The following ANKRD35 variants were observed in gnomAD, a reference collection of about 807,000 sequenced individuals.
ANKRD35 encodes the protein ankyrin repeat domain 35, also known as ankyrin repeat domain-containing protein 35.
In ANKRD35, 102 loss-of-function variants were observed where a neutral mutation model predicts 109.9. The ratio of observed to expected loss-of-function variants is 0.93; its 90% CI spans 0.79 to 1.09. The LOEUF (loss-of-function observed/expected upper bound fraction) is 1.09. Among genes scored for constraint, ANKRD35 ranks in the 50% least tolerant of loss-of-function variants. ANKRD35 has a pLI of 0.00. For missense variants in ANKRD35, 1,240 were observed against 1,230.1 expected (o/e 1.01, Z -0.12); for synonymous variants, 515 against 512.4 (o/e 1.01, Z -0.07).
chr1:145,882,790 G>A (rs1252332189), intron 1 of ANKRD35, among the ~76,000 whole-genome samples: 2 of 152,140 alleles, frequency 1.3e-5, no homozygotes, highest in African/African-American at 2.4e-5. Flanking sequence ...TGGAAAGGAG[G>A]CACTAGATTA....
chr1:145,874,232 G>C (rs201416442), intron 8 of ANKRD35, 40 bp from the exon 9 acceptor site: 2 of 1,604,246 alleles, frequency 1.2e-6, no homozygotes, highest in Non-Finnish European at 1.7e-6. Flanking sequence ...GAGAAGACAG[G>C]TTCCATGTAC....
intron 12 of ANKRD35, among the ~76,000 whole-genome samples, chr1:145,867,745 G>T (rs187639730): frequency 1.2e-4 from 18 of 152,218 alleles, no homozygotes; most frequent in African/African-American, 3.9e-4. Flanking sequence ...AAAGGGTATT[G>T]GGGACAGGAA....
At position 145,873,235 on chromosome 1, in the gene ANKRD35, C is replaced by T. The variant is rs782256619; in HGVS notation, c.1534G>A (p.Ala512Thr). 4 of 1,613,996 alleles carry T rather than the reference C, an allele frequency of 2.5e-6. No individual in the cohort carries two copies. Among genetic ancestry groups the T allele is most frequent in the South Asian group, 1.1e-5 (1 of 91,090 alleles). The change falls in exon 10 of 14, where the codon GCT (alanine) becomes ACT (threonine). Residue 512 changes from alanine to threonine, a missense_variant. Coordinates refer to ENST00000355594, the MANE Select transcript of ANKRD35 (RefSeq NM_144698.5). ...CCCTCCATGACCGGTCTTGACAAAGCCCCCCGGGCAGCATCCTTTTCTCGC... is the reference window on the plus strand; with the variant it reads ...CCCTCCATGACCGGTCTTGACAAAGTCCCCCGGGCAGCATCCTTTTCTCGC... Reference protein sequence around the residue: ...VWREKDAARGALSRPVMEGAL... With the variant: ...VWREKDAARGTLSRPVMEGAL...
rs1427723170 is a variant in ANKRD35, at chr1:145,872,638, C to G, written c.2131G>C (p.Asp711His). 4 of 1,613,942 alleles carry G rather than the reference C, an allele frequency of 2.5e-6. No homozygotes were observed. Among genetic ancestry groups the G allele is most frequent in the Non-Finnish European group, 3.4e-6 (4 of 1,179,982 alleles). ...LRGLWDCLPA[D>H]LVGERSAQSK... ...TGTGCACTCCTCTCGCCCACTAGGT[C>G]TGCGGGCAGGCAGTCCCACAGCCCT... is the stretch of plus-strand genomic sequence containing the variant. The change falls in exon 10 of 14, where the codon GAC becomes CAC. Residue 711 changes from aspartate (D) to histidine (H), a missense_variant. Physicochemically the swap from Asp to His is moderately conservative, Grantham distance 81. Coordinates refer to ENST00000355594, the MANE Select transcript of ANKRD35 (RefSeq NM_144698.5).
chr1:145,872,437 G>T lies in ANKRD35; in HGVS notation c.2332C>A (p.Gln778Lys). 1 of 1,611,166 alleles carries T rather than the reference G, an allele frequency of 6.2e-7. No homozygotes were observed. Among genetic ancestry groups the T allele is most frequent in the African/African-American group, 1.3e-5 (1 of 74,972 alleles). ...AGGTCTTGCTCCAGAGCGGCCACTT[G>T]GGGGGATGCTGGGGCCTTTAAGGAG... ...GTSLKAPASP[Q>K]VAALEQDLGK... The change falls in exon 10 of 14, where the codon CAA (glutamine) becomes AAA (lysine). Residue 778 changes from glutamine (Q) to lysine (K), a missense_variant. Coordinates refer to ENST00000355594, the MANE Select transcript of ANKRD35 (RefSeq NM_144698.5).
intron 6 of ANKRD35, 52 bp downstream of exon 6, chr1:145,876,517 A>G: frequency 6.2e-7 from 1 of 1,608,678 alleles, no homozygotes; most frequent in African/African-American, 1.3e-5. Context: ...GCTGAGAGAC[A>G]GCAGCAGCCC....
At position 145,872,226 on chromosome 1, in the gene ANKRD35, G is replaced by T; in HGVS notation, c.2543C>A (p.Ala848Asp). 6.2e-7 allele frequency: 1 copy of T among 1,610,540 alleles called. No individual in the cohort carries two copies. Among genetic ancestry groups the T allele is most frequent in the Non-Finnish European group, 8.5e-7 (1 of 1,178,506 alleles). ...TRGSLVAQAQ[A>D]WGQELKALLE... Reference sequence around the variant, plus strand: ...CAGAGCCTTTAGCTCCTGGCCCCAAGCCTGAGCCTGGGCCACCAGCGAACC... The same window carrying T: ...CAGAGCCTTTAGCTCCTGGCCCCAATCCTGAGCCTGGGCCACCAGCGAACC... The change falls in exon 10 of 14, where the codon GCT (alanine) becomes GAT (aspartate). Residue 848 changes from alanine (A) to aspartate (D), a missense_variant. Ala to Asp is a moderately radical substitution (Grantham distance 126, BLOSUM62 -2). Coordinates refer to ENST00000355594, the MANE Select transcript of ANKRD35 (RefSeq NM_144698.5).
At chr1:145,877,857 G>T in intron 4 of ANKRD35, 111 bp downstream of exon 4, 1 of 1,009,736 alleles carries the variant, frequency 9.9e-7, no homozygotes, top group Non-Finnish European at 1.5e-6. Context: ...TCCTATTGGG[G>T]ATGAGGCGAG....
In ANKRD35 at chr1:145,872,213, C is replaced by T. The variant is rs1553738853; in HGVS notation, c.2556G>A (p.Glu852=). The change falls in exon 10 of 14, where the codon GAG becomes GAA. Residue 852 remains glutamate (E), a synonymous_variant. Transcript: ENST00000355594. ...LVAQAQAWGQ[E]LKALLEKYNT... ...TATACTTTTCCAACAGAGCCTTTAG[C>T]TCCTGGCCCCAAGCCTGAGCCTGGG... The T allele has an allele frequency of 4.3e-6, 7 of 1,609,974 alleles. No individual in the cohort carries two copies. The highest frequency in any genetic ancestry group is 5.9e-6 in the Non-Finnish European group (7 of 1,178,502).
chr1:145,879,421 G>A (rs1654209892), intron 1 of ANKRD35, 33 bp from the exon 2 acceptor site: 3 of 1,470,610 alleles, frequency 2.0e-6, no homozygotes, highest in Non-Finnish European at 2.7e-6. Context: ...GTGAATATAG[G>A]GCATGAGGGT....
chr1:145,879,220 G>C, intron 2 of ANKRD35, 38 bp downstream of exon 2: 3 of 1,528,016 alleles, frequency 2.0e-6, no homozygotes, highest in Non-Finnish European at 2.6e-6. Flanking sequence ...TCAAAAGGGA[G>C]CCACATGTAA....
chr1:145,876,708 C>T lies in ANKRD35; in HGVS notation c.383-69G>A. ...CTACTCAGACTATGACCCAACATCC[C>T]CTCCGACCATTTCATTGGTTGGCCC... is the stretch of plus-strand genomic sequence containing the variant. On this transcript the variant is annotated intron_variant, in intron 5 of 13. Coordinates refer to ENST00000355594, the MANE Select transcript of ANKRD35 (RefSeq NM_144698.5). 3 of 1,610,356 alleles carry T rather than the reference C, an allele frequency of 1.9e-6. No individual in the cohort carries two copies. The East Asian group carries it at 6.7e-5, about 36-fold the overall frequency.
At position 145,872,091 on chromosome 1, in the gene ANKRD35, C is replaced by A. The variant is rs141237130; in HGVS notation, c.2678G>T (p.Arg893Leu). 1,666 of 1,613,204 alleles carry A rather than the reference C, an allele frequency of 1.0e-3. 15 individuals carry two copies. The African/African-American group carries it at 0.02, about 19-fold the overall frequency. The change falls in exon 10 of 14, where the codon CGC becomes CTC. Residue 893 changes from arginine (R) to leucine (L), a missense_variant. Arg to Leu is a moderately radical substitution (Grantham distance 102). Coordinates refer to ENST00000355594, the MANE Select transcript of ANKRD35 (RefSeq NM_144698.5). ...DLAAQAAEQE[R>L]QASEMRGRSE... is the part of the protein sequence containing the mutation. Reference sequence around the variant, plus strand: ...GCGCCCCCGCATCTCGCTGGCCTGGCGCTCTTGTTCGGCTGCCTGAGCGGC... The same window carrying A: ...GCGCCCCCGCATCTCGCTGGCCTGGAGCTCTTGTTCGGCTGCCTGAGCGGC...
chr1:145,876,578 C>A lies in ANKRD35; in HGVS notation c.444G>T (p.Val148=). 6.2e-7 allele frequency: 1 copy of A among 1,614,190 alleles called. No individual in the cohort carries two copies. The highest frequency in any genetic ancestry group is 8.5e-7 in the Non-Finnish European group (1 of 1,180,038). ...CCCATCTGACACTCACATTATCCAACACGTCCAGGAAGGCTTCGTGGTCAC... is the reference window on the plus strand; with the variant it reads ...CCCATCTGACACTCACATTATCCAAAACGTCCAGGAAGGCTTCGTGGTCAC... The part of the protein sequence containing the change: ...LLCDHEAFLD[V]LDNDGRTPLM... Residue 148 remains valine, a synonymous_variant, in exon 6 of 14, where the codon GTG becomes GTT. Coordinates refer to ENST00000355594, the MANE Select transcript of ANKRD35 (RefSeq NM_144698.5).
intron 10 of ANKRD35, among the ~76,000 whole-genome samples, chr1:145,870,560 G>C (rs1390260236): frequency 2.0e-5 from 3 of 152,066 alleles, no homozygotes; most frequent in Non-Finnish European, 2.9e-5. Flanking sequence ...CACTATGTTT[G>C]CTTTCACCCG....
intron 7 of ANKRD35, 99 bp from the exon 8 acceptor site, chr1:145,875,105 G>C: frequency 8.0e-7 from 1 of 1,250,094 alleles, no homozygotes; most frequent in Non-Finnish European, 1.1e-6. Context: ...CATTCAGTGG[G>C]GTCAGGAGAA....
Position 145,873,579 on chromosome 1 carries a change from G to A in ANKRD35, c.1190C>T (p.Pro397Leu). Residue 397 changes from proline to leucine, a missense_variant, in exon 10 of 14, where the codon CCA becomes CTA. Physicochemically the swap from Pro to Leu is moderately conservative, Grantham distance 98. Transcript: ENST00000355594. Reference sequence around the variant, plus strand: ...CTCAGCCTTCTTTGGAGCTAATACTGGATTTACTGTGGCTGCTGCCTGCTG... The same window carrying A: ...CTCAGCCTTCTTTGGAGCTAATACTAGATTTACTGTGGCTGCTGCCTGCTG... ...KQQQAAATVN[P>L]VLAPKKAEDS... 6.2e-7 allele frequency: 1 copy of A among 1,614,050 alleles called. No individual in the cohort carries two copies.
At position 145,872,365 on chromosome 1, in the gene ANKRD35, C is replaced by T. The variant is rs782248272; in HGVS notation, c.2404G>A (p.Gly802Arg). ...ELRAVQATMS[G>R]KSQEIGKLKQ... is the part of the protein sequence containing the mutation. ...AGCTTTCCGATCTCCTGGCTCTTCC[C>T]GCTCATCGTGGCCTGAACTGCCCGC... Residue 802 changes from glycine to arginine, a missense_variant, in exon 10 of 14, where the codon GGG (glycine) becomes AGG (arginine). Coordinates refer to ENST00000355594, the MANE Select transcript of ANKRD35 (RefSeq NM_144698.5). 2 of 1,612,822 alleles carry T rather than the reference C, an allele frequency of 1.2e-6. No homozygotes were observed. Among genetic ancestry groups the T allele is most frequent in the Non-Finnish European group, 1.7e-6 (2 of 1,179,360 alleles).
intron 10 of ANKRD35, among the ~76,000 whole-genome samples, chr1:145,868,682 T>C (rs587612371): frequency 2.2e-3 from 329 of 152,372 alleles, no homozygotes; most frequent in Non-Finnish European, 4.0e-3. Context: ...TTCTGGACTT[T>C]CCTTACTTGT....
Sources: allele counts gnomAD v4.1 joint callset (sites outside exome capture counted in the v4.1 genomes callset), GRCh38; gene constraint gnomAD v4.1.1; transcripts MANE v1.5; gene names NCBI Gene and HGNC (gene_info 2026-07-23, HGNC 2026-07-21).